Variants in RIPOR2 observed in about 807,000 individuals in gnomAD.
RIPOR2 encodes the protein rho family-interacting cell polarization regulator 2.
Under a neutral mutation model 114.5 loss-of-function variants are expected in RIPOR2, and 39 were observed. The ratio of observed to expected loss-of-function variants is 0.34; its 90% CI spans 0.26 to 0.44. The LOEUF is 0.44. RIPOR2 is among the 20% of genes least tolerant of loss of function. The pLI, the probability that RIPOR2 is intolerant of heterozygous loss-of-function variation, is 1.00. For missense variants in RIPOR2, 1,007 were observed against 1,255.1 expected (o/e 0.80, Z 2.99); for synonymous variants, 445 against 484.4 (o/e 0.92, Z 1.07).
At chr6:24,833,467 C>G (rs1760839714) in intron 15 of RIPOR2, among the ~76,000 whole-genome samples, 1 of 152,052 alleles carries the variant, frequency 6.6e-6, no homozygotes, top group African/African-American at 2.4e-5. Context: ...TGCCACTGCA[C>G]TCCATCCTGG....
At chr6:24,867,175 A>G (rs1764687770) in intron 6 of RIPOR2, among the ~76,000 whole-genome samples, 1 of 152,260 alleles carries the variant, frequency 6.6e-6, no homozygotes, top group Non-Finnish European at 1.5e-5. Context: ...GAAAAGAATC[A>G]TCTTTAATCT....
intron 10 of RIPOR2, 91 bp from the exon 11 acceptor site, chr6:24,850,041 G>A (rs1164673667): frequency 9.4e-7 from 1 of 1,061,246 alleles, no homozygotes; most frequent in Non-Finnish European, 1.3e-6. Context: ...AGCTAGGTTG[G>A]TCATTTCTTT....
At chr6:24,961,633 C>CTTTTTTTTT (rs70974954) in intron 1 of RIPOR2, among the ~76,000 whole-genome samples, 1 of 134,388 alleles carries the variant, frequency 7.4e-6, no homozygotes, top group African/African-American at 2.6e-5. Context: ...TTATTCTAAG[C>CTTTTTTTTT]TTTTTTTTTT....
intron 10 of RIPOR2, among the ~76,000 whole-genome samples, chr6:24,850,392 G>T (rs975541019): frequency 1.3e-5 from 2 of 152,148 alleles, no homozygotes; most frequent in Non-Finnish European, 2.9e-5. Context: ...ACTACACTAC[G>T]CCTGGCCAGA....
At chr6:24,847,988 T>C in intron 12 of RIPOR2, 37 bp downstream of exon 12, 1 of 1,613,254 alleles carries the variant, frequency 6.2e-7, no homozygotes, top group Admixed American at 1.7e-5. Context: ...CTGGCTCAGG[T>C]GCATTGATTC....
intron 1 of RIPOR2, among the ~76,000 whole-genome samples, chr6:25,005,060 C>T (rs1486568882): frequency 1.3e-5 from 2 of 151,622 alleles, no homozygotes; most frequent in African/African-American, 2.4e-5. Context: ...TCTATTACCC[C>T]CAACATCATG....
intron 1 of RIPOR2, among the ~76,000 whole-genome samples, chr6:25,005,738 T>TATACATACATACAC (rs1554130561): frequency 1.4e-5 from 1 of 70,700 alleles, no homozygotes; most frequent in Non-Finnish European, 3.3e-5. Context: ...TATATATATA[T>TATACATACATACAC]ATACATTTAC....
chr6:24,848,538 C>T (rs542236814), intron 11 of RIPOR2, among the ~76,000 whole-genome samples: 1 of 152,276 alleles, frequency 6.6e-6, no homozygotes, highest in Non-Finnish European at 1.5e-5. Flanking sequence ...TGGTATAAGA[C>T]ATCGACAGAC....
chr6:24,959,732 T>C (rs951536793), intron 1 of RIPOR2, among the ~76,000 whole-genome samples: 1 of 152,176 alleles, frequency 6.6e-6, no homozygotes, highest in African/African-American at 2.4e-5. Context: ...ATTAGCCTTT[T>C]TCTCTCCTCT....
At chr6:25,025,357 C>T (rs779305483) in intron 1 of RIPOR2, among the ~76,000 whole-genome samples, 1 of 152,084 alleles carries the variant, frequency 6.6e-6, no homozygotes, top group Non-Finnish European at 1.5e-5. Context: ...GGAGATAGTA[C>T]TTTGGATTTC....
chr6:24,987,987 A>G (rs925941303), intron 1 of RIPOR2, among the ~76,000 whole-genome samples: 2 of 152,192 alleles, frequency 1.3e-5, no homozygotes, highest in South Asian at 2.1e-4. Flanking sequence ...AGAAGCATCA[A>G]AGAATCTCAG....
intron 1 of RIPOR2, among the ~76,000 whole-genome samples, chr6:24,928,464 A>G (rs935048864): frequency 2.6e-5 from 4 of 152,238 alleles, no homozygotes; most frequent in South Asian, 2.1e-4. Context: ...TAAAAAAATT[A>G]TACTCAAAGG....
At chr6:24,880,533 T>C (rs891572280) in intron 1 of RIPOR2, among the ~76,000 whole-genome samples, 2 of 152,244 alleles carry the variant, frequency 1.3e-5, no homozygotes, top group African/African-American at 4.8e-5. Flanking sequence ...GTATTTTTCA[T>C]ATAATGTAAA....
chr6:24,806,423 A>T lies in RIPOR2; in HGVS notation c.3094T>A (p.Cys1032Ser). ...CCATGACGACCTCCGACTTTAACACAGTCTCGAGGAAATTTGTCCAATTGT... is the reference window on the plus strand; with the variant it reads ...CCATGACGACCTCCGACTTTAACACTGTCTCGAGGAAATTTGTCCAATTGT... The part of the protein sequence containing the change: ...YEQLDKFPRD[C>S]VKVGGRHGTE... The change falls in exon 22 of 22, where the codon TGT (cysteine) becomes AGT (serine). Residue 1032 changes from cysteine to serine, a missense_variant. Coordinates refer to ENST00000643898, the MANE Select transcript of RIPOR2 (RefSeq NM_001286445.3). 1 of 1,551,840 alleles carries T rather than the reference A, an allele frequency of 6.4e-7. No homozygotes were observed. The highest frequency in any genetic ancestry group is 8.7e-7 in the Non-Finnish European group (1 of 1,147,004).
At chr6:25,039,461 T>C (rs751921939) in intron 1 of RIPOR2, among the ~76,000 whole-genome samples, 3 of 152,242 alleles carry the variant, frequency 2.0e-5, no homozygotes, top group Non-Finnish European at 4.4e-5. Context: ...TTAGGCATTA[T>C]GCCAAAGAGG....
chr6:24,964,369 A>G (rs1055358437), intron 1 of RIPOR2, among the ~76,000 whole-genome samples: 1 of 152,162 alleles, frequency 6.6e-6, no homozygotes, highest in East Asian at 1.9e-4. Context: ...ATGTTTGCAA[A>G]TGTATAATTG....
chr6:24,825,926 T>TC (rs1432681237), intron 18 of RIPOR2, among the ~76,000 whole-genome samples: 7 of 5,920 alleles, frequency 1.2e-3, no homozygotes, highest in East Asian at 0.05. Context: ...TGTTTTTCTC[T>TC]TTTTTTTTTT....
intron 1 of RIPOR2, among the ~76,000 whole-genome samples, chr6:24,964,252 C>T (rs1308748037): frequency 2.0e-5 from 3 of 151,870 alleles, no homozygotes; most frequent in Non-Finnish European, 4.4e-5. Context: ...ATTGTTCCAT[C>T]GCTACAGAGC....
intron 1 of RIPOR2, among the ~76,000 whole-genome samples, chr6:24,999,690 G>T (rs1775211633): frequency 6.6e-6 from 1 of 151,748 alleles, no homozygotes; most frequent in Non-Finnish European, 1.5e-5. Flanking sequence ...CAAGTAGCTG[G>T]GACTACAGGC....
Sources: gnomAD v4.1 joint callset for allele counts (sites outside exome capture counted in the v4.1 genomes callset) on GRCh38, gnomAD v4.1.1 for gene constraint, MANE v1.5 for transcripts, NCBI Gene and HGNC (gene_info 2026-07-23, HGNC 2026-07-21) for gene names.